Variants in CEP112 observed in about 807,000 individuals in gnomAD.
The protein encoded by CEP112 is centrosomal protein 112.
Under a neutral mutation model 153.0 loss-of-function variants are expected in CEP112, and 127 were observed. The ratio of observed to expected loss-of-function variants is 0.83; its 90% CI spans 0.72 to 0.96. The LOEUF is 0.96. CEP112 is among the 40% of genes least tolerant of loss of function. The pLI, the probability that CEP112 is intolerant of heterozygous loss-of-function variation, is 0.00. For synonymous variants in CEP112, 358 were observed against 374.4 expected (o/e 0.96, Z 0.51); for missense variants, 1,089 against 1,101.2 (o/e 0.99, Z 0.16).
intron 18 of CEP112, among the ~76,000 whole-genome samples, chr17:65,936,420 A>T (rs7225279): frequency 6.6e-6 from 1 of 151,954 alleles, no homozygotes; most frequent in African/African-American, 2.4e-5. Flanking sequence ...AACTCATATC[A>T]TAAGGCCAAT....
At chr17:65,870,065 G>GAAAGAAAGAAAGAAAAAGA in intron 20 of CEP112, among the ~76,000 whole-genome samples, 1 of 79,318 alleles carries the variant, frequency 1.3e-5, no homozygotes, top group Middle Eastern at 8.1e-3. Context: ...AAGAAAGAAA[G>GAAAGAAAGAAAGAAAAAGA]AAAGAAAGAA....
chr17:65,644,410 G>T, intron 24 of CEP112: 1 of 530,566 alleles, frequency 1.9e-6, no homozygotes, highest in Non-Finnish European at 3.5e-6. Flanking sequence ...GATGAACTCG[G>T]ACCTCAAGGC....
intron 21 of CEP112, among the ~76,000 whole-genome samples, chr17:65,823,842 T>C (rs1385577894): frequency 1.3e-5 from 2 of 152,102 alleles, no homozygotes; most frequent in Non-Finnish European, 2.9e-5. Context: ...GATATTCAGA[T>C]GACAAAATAT....
chr17:66,040,285 CCTGA>C (rs1357456404), intron 12 of CEP112, among the ~76,000 whole-genome samples: 2 of 151,864 alleles, frequency 1.3e-5, no homozygotes, highest in Admixed American at 6.6e-5. Context: ...TTTACATTTC[CCTGA>C]CTATTAATAA....
chr17:65,880,241 A>G (rs184388828), intron 20 of CEP112, among the ~76,000 whole-genome samples: 6 of 152,324 alleles, frequency 3.9e-5, no homozygotes, highest in Admixed American at 2.6e-4. Flanking sequence ...TAGATGACCT[A>G]TAATAACAAT....
At chr17:65,826,516 C>A (rs2056847563) in intron 21 of CEP112, 1 of 1,388,854 alleles carries the variant, frequency 7.2e-7, no homozygotes, top group Non-Finnish European at 9.3e-7. Flanking sequence ...AACCACACTG[C>A]CTGGCTCAGT....
At chr17:65,968,173 T>G (rs1234741099) in intron 17 of CEP112, among the ~76,000 whole-genome samples, 1 of 152,032 alleles carries the variant, frequency 6.6e-6, no homozygotes, top group African/African-American at 2.4e-5. Flanking sequence ...GACCACTTCT[T>G]GTTATTAGGA....
intron 13 of CEP112, 116 bp from the exon 14 acceptor site, chr17:66,029,368 C>T (rs901569436): frequency 3.3e-6 from 3 of 907,988 alleles, no homozygotes; most frequent in Admixed American, 5.8e-5. Flanking sequence ...AATAAGTATC[C>T]ACAATTTTGT....
chr17:66,067,138 A>G (rs1294702521), intron 9 of CEP112, among the ~76,000 whole-genome samples: 2 of 152,038 alleles, frequency 1.3e-5, no homozygotes, highest in African/African-American at 4.8e-5. Flanking sequence ...CATGTTAATA[A>G]TTCTAGCCTA....
chr17:65,983,539 G>A (rs1348377), intron 17 of CEP112, among the ~76,000 whole-genome samples: 62,356 of 151,754 alleles, frequency 0.41, 14,263 homozygotes, highest in East Asian at 0.87. Flanking sequence ...GTGATGAGTG[G>A]GTTCTCACTC....
intron 3 of CEP112, among the ~76,000 whole-genome samples, chr17:66,176,444 C>A (rs908714599): frequency 5.9e-5 from 9 of 152,142 alleles, no homozygotes; most frequent in Admixed American, 6.5e-5. Context: ...TTTTACAAAT[C>A]ATGCACTCCA....
chr17:65,779,491 T>C (rs2053882390), intron 21 of CEP112, among the ~76,000 whole-genome samples: 1 of 152,188 alleles, frequency 6.6e-6, no homozygotes, highest in Non-Finnish European at 1.5e-5. Context: ...CAGTTTGATG[T>C]CATCATCACA....
rs190098272 is a variant in CEP112, at chr17:65,933,637, T to A, written c.1873-5948A>T. Among the ~76,000 whole-genome samples, 468 of 152,294 alleles carry A rather than the reference T, an allele frequency of 3.1e-3. 4 individuals are homozygous for A. Among genetic ancestry groups the A allele is most frequent in the African/African-American group, 0.011 (438 of 41,560 alleles). On this transcript the variant is annotated intron_variant, in intron 18 of 26. Transcript: ENST00000535342. ...AGTAAAATCTTCCCGCACCTCCATC[T>A]TCCCCCGAAAATGAGGGAGGTCATC...
rs371241465 is a variant in CEP112, at chr17:66,172,844, G to C, written c.470+2200C>G. 2.0e-4 allele frequency among the ~76,000 whole-genome samples: 31 copies of C among 152,254 alleles called. No homozygotes were observed. In the East Asian group the frequency reaches 6.0e-3, roughly 29 times the overall value. ...ACAATGGTTATAAATCAAAAGTCTG[G>C]AGGACTTAACAGATGAGTGATTATA... On this transcript the variant is annotated intron_variant, in intron 4 of 26. Coordinates refer to ENST00000535342, the MANE Select transcript of CEP112 (RefSeq NM_001199165.4).
At chr17:65,827,207 G>A (rs1156440071) in intron 21 of CEP112, among the ~76,000 whole-genome samples, 1 of 152,168 alleles carries the variant, frequency 6.6e-6, no homozygotes, top group East Asian at 1.9e-4. Flanking sequence ...GAGGTTTTAG[G>A]ACTTGGACTG....
intron 8 of CEP112, among the ~76,000 whole-genome samples, chr17:66,085,728 C>A (rs2067897532): frequency 6.6e-6 from 1 of 152,038 alleles, no homozygotes; most frequent in Non-Finnish European, 1.5e-5. Context: ...CCTGTAATCC[C>A]AGCACTTTGG....
At chr17:65,710,345 ATTCTTGAT>A (rs1431257948) in intron 23 of CEP112, among the ~76,000 whole-genome samples, 1 of 152,048 alleles carries the variant, frequency 6.6e-6, no homozygotes, top group Non-Finnish European at 1.5e-5. Flanking sequence ...TATGAATTCT[ATTCTTGAT>A]TTCATATTAT....
chr17:66,054,173 T>C (rs1018658171), intron 11 of CEP112, among the ~76,000 whole-genome samples: 4 of 152,112 alleles, frequency 2.6e-5, no homozygotes, highest in African/African-American at 4.8e-5. Context: ...AGGCAGATAA[T>C]ACAAGTGAAC....
chr17:65,715,368 A>C (rs2049446668), intron 23 of CEP112, among the ~76,000 whole-genome samples: 1 of 152,162 alleles, frequency 6.6e-6, no homozygotes. Flanking sequence ...AGAGAGAAAA[A>C]CAACATAAAA....
Sources: allele counts gnomAD v4.1 joint callset (sites outside exome capture counted in the v4.1 genomes callset), GRCh38; gene constraint gnomAD v4.1.1; transcripts MANE v1.5; gene names NCBI Gene and HGNC (gene_info 2026-07-23, HGNC 2026-07-21).